FOXN3: variants seen among roughly 807,000 people sequenced by gnomAD.
FOXN3 encodes the protein forkhead box N3, also known as forkhead box protein N3.
FOXN3 carries 7 observed loss-of-function variants against 38.4 expected under a neutral mutation model. The ratio of observed to expected loss-of-function variants is 0.18; its 90% confidence interval spans 0.10 to 0.34. The LOEUF (loss-of-function observed/expected upper bound fraction) is 0.34, where lower values mean the gene tolerates loss of function less well. Ranked by LOEUF, FOXN3 falls within the 10% of genes least tolerant of loss-of-function variation. FOXN3 has a pLI of 1.00. For missense variants in FOXN3, 456 were observed against 613.4 expected, an observed-to-expected ratio of 0.74 and a Z score of 2.71; for synonymous variants, 230 against 242.2, an observed-to-expected ratio of 0.95 and a Z score of 0.47.
In FOXN3 at chr14:89,180,735, G is replaced by C; in HGVS notation, c.817C>G (p.Pro273Ala). The change falls in exon 5 of 6, where the codon CCA (proline) becomes GCA (alanine). Residue 273 changes from proline to alanine, a missense_variant. Pro to Ala is a conservative substitution (Grantham distance 27). Around this residue, in one of 3 missense-constraint regions of FOXN3, gnomAD observed 386 missense variants for 505.2 expected, o/e 0.76. Transcript: ENST00000557258. ...GCTGTCACCCCAATGGGAGTGATTG[G>C]CAGCGGCCGCACGCCAGGAAACAGC... ...RGLFPGVRPL[P>A]ITPIGVTAAM... 1 of 1,611,758 alleles carries C rather than the reference G, an allele frequency of 6.2e-7. No homozygotes were observed. The highest frequency in any genetic ancestry group is 8.5e-7 in the Non-Finnish European group (1 of 1,179,062).
At chr14:89,298,030 T>C (rs1887099433) in intron 3 of FOXN3, among the ~76,000 whole-genome samples, 1 of 151,988 alleles carries the variant, frequency 6.6e-6, no homozygotes, top group Admixed American at 6.6e-5. Context: ...TTATTCACAA[T>C]AGCCAAGAGG....
intron 1 of FOXN3, among the ~76,000 whole-genome samples, chr14:89,536,238 T>C (rs1034648717): frequency 6.6e-6 from 1 of 152,230 alleles, no homozygotes; most frequent in Admixed American, 6.5e-5. Context: ...GCTATGCCAC[T>C]AGTCCTAGCT....
At chr14:89,545,742 C>T (rs1363509021) in intron 1 of FOXN3, among the ~76,000 whole-genome samples, 1 of 152,118 alleles carries the variant, frequency 6.6e-6, no homozygotes, top group East Asian at 1.9e-4. Flanking sequence ...AATGGGTATC[C>T]TCAGGAGCTT....
At chr14:89,219,319 T>C (rs571352350) in intron 4 of FOXN3, among the ~76,000 whole-genome samples, 1 of 152,288 alleles carries the variant, frequency 6.6e-6, no homozygotes, top group African/African-American at 2.4e-5. Context: ...TCTGCCACCA[T>C]TGTAAGTTTC....
In FOXN3 at chr14:89,519,699, G is replaced by C. The variant is rs1160763094; in HGVS notation, c.-15+99329C>G. On this transcript the variant is annotated intron_variant, in intron 1 of 6. Coordinates refer to the FOXN3 transcript ENST00000345097. Reference sequence around the variant, plus strand: ...AGGAGTCAGGACTAGCACTGACTGGGGTGGAAGGGGGACAGTAATGCCTTC... The same window carrying C: ...AGGAGTCAGGACTAGCACTGACTGGCGTGGAAGGGGGACAGTAATGCCTTC... Among the ~76,000 whole-genome samples the C allele has an allele frequency of 7.9e-5, 12 of 151,944 alleles. 1 individual carries two copies. In the East Asian group the frequency reaches 1.9e-3, roughly 24 times the overall value.
rs555305007 is a variant in FOXN3 at position 89,375,247 on chromosome 14, C to A, written c.544-24439G>T. ...AATGGGTATATTATTTTTCACTAAT[C>A]CCTCTGTTCATCGTCAAGTATATGT... On this transcript the variant is annotated intron_variant, in intron 2 of 5. Coordinates refer to ENST00000557258, the MANE Select transcript of FOXN3 (RefSeq NM_005197.4). Among the ~76,000 whole-genome samples, 7 of 152,212 alleles carry A rather than the reference C, an allele frequency of 4.6e-5. No homozygotes were observed. In the South Asian group the frequency reaches 1.2e-3, roughly 27 times the overall value.
intron 3 of FOXN3, among the ~76,000 whole-genome samples, chr14:89,333,966 G>GTGTATA (rs1490383212): frequency 2.5e-4 from 33 of 131,542 alleles, no homozygotes; most frequent in African/African-American, 9.6e-4. Context: ...AATGTGGTGT[G>GTGTATA]TATATATATA....
intron 1 of FOXN3, among the ~76,000 whole-genome samples, chr14:89,512,392 A>T (rs1221249421): frequency 1.3e-5 from 2 of 152,262 alleles, no homozygotes; most frequent in Non-Finnish European, 2.9e-5. Context: ...GGTTAAATAT[A>T]CCATTTTAAC....
intron 1 of FOXN3, among the ~76,000 whole-genome samples, chr14:89,506,037 C>T (rs1470039884): frequency 1.3e-5 from 2 of 148,782 alleles, no homozygotes; most frequent in Admixed American, 6.7e-5. Context: ...GGTCAGCCCC[C>T]GGCCCGGCCA....
At chr14:89,224,592 C>A (rs985570138) in intron 4 of FOXN3, among the ~76,000 whole-genome samples, 1 of 152,146 alleles carries the variant, frequency 6.6e-6, no homozygotes, top group Non-Finnish European at 1.5e-5. Flanking sequence ...CTATACCAGG[C>A]ACAACTGGGT....
chr14:89,410,901 AG>A (rs147688566), intron 2 of FOXN3, among the ~76,000 whole-genome samples: 22,608 of 151,332 alleles, frequency 0.15, 1,743 homozygotes, highest in East Asian at 0.19. Context: ...AAAAGAAAAA[AG>A]AAAAAAGAAA....
At chr14:89,204,519 A>T (rs75648554) in intron 4 of FOXN3, among the ~76,000 whole-genome samples, 2,310 of 152,278 alleles carry the variant, frequency 0.015, 58 homozygotes, top group African/African-American at 0.052. Context: ...TATTTTTTTT[A>T]AAAAACTTTT....
chr14:89,404,556 G>A (rs533781158), intron 2 of FOXN3, among the ~76,000 whole-genome samples: 2 of 149,166 alleles, frequency 1.3e-5, no homozygotes, highest in Admixed American at 6.7e-5. Flanking sequence ...AGGGAGCTGC[G>A]CTTTCTTGGG....
chr14:89,471,449 T>C (rs556358047), intron 1 of FOXN3, among the ~76,000 whole-genome samples: 1 of 152,070 alleles, frequency 6.6e-6, no homozygotes, highest in Non-Finnish European at 1.5e-5. Context: ...ACAGTTTTTT[T>C]ATATTTTTTA....
chr14:89,389,307 A>C (rs77765214), intron 2 of FOXN3, among the ~76,000 whole-genome samples: 1 of 113,284 alleles, frequency 8.8e-6, no homozygotes, highest in Non-Finnish European at 1.9e-5. Flanking sequence ...TACTTAAAAC[A>C]AAAAAAAAAG....
chr14:89,337,169 C>A lies in FOXN3; in HGVS notation c.680+13503G>T, dbSNP rs113081178. Among the ~76,000 whole-genome samples, 879 of 152,262 alleles carry A rather than the reference C, an allele frequency of 5.8e-3. 16 individuals are homozygous for A. Among genetic ancestry groups the A allele is most frequent in the African/African-American group, 0.02 (825 of 41,518 alleles). On this transcript the variant is annotated intron_variant, in intron 3 of 5. Transcript: ENST00000557258. ...TGGCACCACAGATTTGTGAGTTCTG[C>A]ACACAGATTTGGTAGTACAAAGAAT...
intron 1 of FOXN3, among the ~76,000 whole-genome samples, chr14:89,459,593 C>T (rs189098941): frequency 4.6e-5 from 7 of 152,278 alleles, no homozygotes; most frequent in Admixed American, 3.9e-4. Flanking sequence ...AATGCTTTTG[C>T]TAGTGGAACT....
Position 89,565,957 on chromosome 14 carries a change from C to T in FOXN3, c.-15+53071G>A, listed in dbSNP as rs530989996. 3.3e-5 allele frequency among the ~76,000 whole-genome samples: 5 copies of T among 152,242 alleles called. No individual in the cohort carries two copies. In the East Asian group the frequency reaches 5.8e-4, roughly 18 times the overall value. ...TGCTAGTGTCAAGGTCATTTCGCCCCGGAAATATAAAACCTGCTGTGTAGC... is the reference window on the plus strand; with the variant it reads ...TGCTAGTGTCAAGGTCATTTCGCCCTGGAAATATAAAACCTGCTGTGTAGC... On this transcript the variant is annotated intron_variant, in intron 1 of 6. Coordinates refer to the FOXN3 transcript ENST00000345097.
At chr14:89,506,587 G>C (rs1893945271) in intron 1 of FOXN3, among the ~76,000 whole-genome samples, 1 of 152,058 alleles carries the variant, frequency 6.6e-6, no homozygotes, top group Non-Finnish European at 1.5e-5. Flanking sequence ...GGGAAGTGAG[G>C]AGCCCCTCTG....
Sources: allele counts gnomAD v4.1 joint callset (sites outside exome capture counted in the v4.1 genomes callset), GRCh38; gene constraint gnomAD v4.1.1; regional missense constraint gnomAD v4.1.1; transcripts MANE v1.5; gene names NCBI Gene and HGNC (gene_info 2026-07-23, HGNC 2026-07-21).